DNMBP: variants seen among roughly 807,000 people sequenced by gnomAD.
DNMBP encodes the protein dynamin binding protein.
DNMBP carries 87 observed loss-of-function variants against 150.0 expected under a neutral mutation model. That is an observed-to-expected ratio of 0.58 (90% CI 0.49 to 0.69). The LOEUF is 0.69. Among genes scored for constraint, DNMBP ranks in the 30% least tolerant of loss-of-function variants. The pLI is 0.00. For synonymous variants in DNMBP, 711 were observed against 750.4 expected (o/e 0.95, Z 0.86); for missense variants, 1,774 against 1,949.0 (o/e 0.91, Z 1.69).
chr10:100,003,371 A>G (rs2041037118), intron 1 of DNMBP, among the ~76,000 whole-genome samples: 1 of 152,066 alleles, frequency 6.6e-6, no homozygotes, highest in Non-Finnish European at 1.5e-5. Context: ...CAAACAAACA[A>G]AAAGAACTGA....
chr10:99,940,271 C>A lies in DNMBP; in HGVS notation c.2260+14943G>T, dbSNP rs543119025. On this transcript the variant is annotated intron_variant, in intron 4 of 16. Transcript: ENST00000324109. ...AGGTTAAGTGCACAGGCTTTGATAG[C>A]CCTGGACTTAAATCCTGACTTTGCC... Among the ~76,000 whole-genome samples, 8 of 152,278 alleles carry A rather than the reference C, an allele frequency of 5.3e-5. No individual in the cohort carries two copies. In the South Asian group the frequency reaches 1.7e-3, roughly 32 times the overall value.
rs748863813 is a variant in DNMBP at position 99,955,521 on chromosome 10, T to A, written c.1953A>T (p.Ala651=). 6.3e-7 allele frequency: 1 copy of A among 1,598,336 alleles called. No homozygotes were observed. Among genetic ancestry groups the A allele is most frequent in the Admixed American group, 1.7e-5 (1 of 57,392 alleles). ...PSRPAPLPPS[A]QQRTNAVSPK... ...GGGATACCGCATTCGTTCTCTGCTG[T>A]GCTGAGGGAGGCAGGGGAGCTGGGC... The change falls in exon 4 of 17, where the codon GCA becomes GCT. Residue 651 remains alanine (A), a synonymous_variant. Transcript: ENST00000324109.
At chr10:99,976,503 C>A (rs528990762) in intron 1 of DNMBP, among the ~76,000 whole-genome samples, 1 of 152,176 alleles carries the variant, frequency 6.6e-6, no homozygotes, top group Non-Finnish European at 1.5e-5. Flanking sequence ...AACTTTTCCA[C>A]GCCCTTGCTA....
At chr10:99,975,528 T>C (rs1683707629) in intron 1 of DNMBP, among the ~76,000 whole-genome samples, 1 of 152,224 alleles carries the variant, frequency 6.6e-6, no homozygotes, top group African/African-American at 2.4e-5. Context: ...AGGTTATCTT[T>C]GTGTTACTTA....
chr10:99,891,630 G>A (rs766583413), intron 11 of DNMBP, among the ~76,000 whole-genome samples: 13,394 of 148,946 alleles, frequency 0.09, 1,097 homozygotes, highest in African/African-American at 0.22. Flanking sequence ...CTGCCTGGCC[G>A]CCCATCGTCT....
At chr10:100,007,115 C>CA (rs879451709) in intron 1 of DNMBP, among the ~76,000 whole-genome samples, 80 of 138,176 alleles carry the variant, frequency 5.8e-4, no homozygotes, top group Middle Eastern at 3.6e-3. Context: ...ACTCTGTCTC[C>CA]AAAAAAAAAA....
rs1026185571 is a variant in DNMBP, at chr10:99,875,762, G to A, written c.*1389C>T. 3 of 151,972 alleles carry A rather than the reference G, an allele frequency of 2.0e-5. No individual in the cohort carries two copies. The highest frequency in any genetic ancestry group is 7.2e-5 in the African/African-American group (3 of 41,388). The allele number at this position is 151,972 out of a possible 1,614,324, so 9.4% of individuals were successfully genotyped here. The stretch of plus-strand genomic sequence containing the variant: ...TTTAAGGCTAAATGTGCACTTGGAG[G>A]AACAGGGGCTGTAAGGCTATTTCTT... On this transcript the variant is annotated 3_prime_UTR_variant, in exon 17 of 17. Coordinates refer to ENST00000324109, the MANE Select transcript of DNMBP (RefSeq NM_015221.4).
intron 3 of DNMBP, among the ~76,000 whole-genome samples, chr10:99,964,538 T>G (rs1258072368): frequency 6.6e-6 from 1 of 151,828 alleles, no homozygotes; most frequent in Non-Finnish European, 1.5e-5. Flanking sequence ...CCACCTGTTT[T>G]GATTCTTCTT....
rs1245130027 is a variant in DNMBP at position 99,979,758 on chromosome 10, C to G, written c.-10-7624G>C. On this transcript the variant is annotated intron_variant, in intron 1 of 16. Transcript: ENST00000324109. ...ATCTGGCATTTCTAAACTTGTCTGGCCACAGCACGCCGTTTTCAGGCCCCA... is the reference window on the plus strand; with the variant it reads ...ATCTGGCATTTCTAAACTTGTCTGGGCACAGCACGCCGTTTTCAGGCCCCA... 2.6e-5 allele frequency among the ~76,000 whole-genome samples: 4 copies of G among 152,226 alleles called. No homozygotes were observed. In the East Asian group the frequency reaches 7.7e-4, roughly 29 times the overall value.
chr10:100,005,227 A>G (rs2041054938), intron 1 of DNMBP, among the ~76,000 whole-genome samples: 1 of 152,190 alleles, frequency 6.6e-6, no homozygotes, highest in African/African-American at 2.4e-5. Flanking sequence ...AGTCTCTGCA[A>G]GCCTATAATC....
chr10:99,997,687 C>T (rs917941781), intron 1 of DNMBP, among the ~76,000 whole-genome samples: 1 of 152,022 alleles, frequency 6.6e-6, no homozygotes, highest in African/African-American at 2.4e-5. Context: ...TGGCTCATGC[C>T]TATAATCCCA....
chr10:99,988,998 C>T (rs976990738), intron 1 of DNMBP, among the ~76,000 whole-genome samples: 1 of 152,136 alleles, frequency 6.6e-6, no homozygotes, highest in Non-Finnish European at 1.5e-5. Flanking sequence ...GTCCATTCAC[C>T]TCTATATTCA....
intron 4 of DNMBP, chr10:99,929,915 T>G: frequency 4.3e-6 from 3 of 702,948 alleles, no homozygotes; most frequent in Non-Finnish European, 7.8e-6. Flanking sequence ...AATCTGTCCC[T>G]CTGGAATTAC....
At chr10:99,884,523 C>G (rs1005842452) in intron 14 of DNMBP, among the ~76,000 whole-genome samples, 8 of 152,068 alleles carry the variant, frequency 5.3e-5, no homozygotes, top group Admixed American at 4.6e-4. Context: ...ATTAGTAGGT[C>G]TTCTTGTATT....
chr10:99,890,843 CACCACGTTG>C, intron 11 of DNMBP, among the ~76,000 whole-genome samples: 1 of 152,142 alleles, frequency 6.6e-6, no homozygotes, highest in East Asian at 1.9e-4. Flanking sequence ...GACAGGGTTT[CACCACGTTG>C]GCCAGGTTGG....
chr10:100,009,930 G>A lies in DNMBP; in HGVS notation c.-103C>T, dbSNP rs1244414273. 1 of 148,272 alleles carries A rather than the reference G, an allele frequency of 6.7e-6. No individual in the cohort carries two copies. The highest frequency in any genetic ancestry group is 1.5e-5 in the Non-Finnish European group (1 of 66,466). 9.2% of individuals were successfully genotyped at this position (148,272 alleles called of 1,614,324 possible). A position where few individuals can be genotyped will look rare whatever the true frequency, so the allele number is the denominator to read the frequency against. On this transcript the variant is annotated 5_prime_UTR_variant, in exon 1 of 17. Coordinates refer to ENST00000324109, the MANE Select transcript of DNMBP (RefSeq NM_015221.4). ...GTCACCTCCGCCCCTGGAAGCGGCG[G>A]GCGGGTCGATCCCGTGTGAGTCAGC...
intron 4 of DNMBP, among the ~76,000 whole-genome samples, chr10:99,932,357 C>A (rs1031785215): frequency 6.6e-6 from 1 of 152,140 alleles, no homozygotes; most frequent in Non-Finnish European, 1.5e-5. Flanking sequence ...ATTCCCCCAG[C>A]ATGTTTCTAG....
chr10:99,919,585 G>C (rs1377134214), intron 4 of DNMBP, among the ~76,000 whole-genome samples: 2 of 152,224 alleles, frequency 1.3e-5, no homozygotes, highest in African/African-American at 4.8e-5. Context: ...CTGAGGTAAG[G>C]AGTTTGAGAC....
At chr10:99,909,741 C>G (rs970951315) in intron 4 of DNMBP, among the ~76,000 whole-genome samples, 1 of 152,102 alleles carries the variant, frequency 6.6e-6, no homozygotes, top group African/African-American at 2.4e-5. Flanking sequence ...CTATGAAAAC[C>G]TTAACCAAAA....
Sources: allele counts gnomAD v4.1 joint callset (sites outside exome capture counted in the v4.1 genomes callset), GRCh38; gene constraint gnomAD v4.1.1; transcripts MANE v1.5; gene names NCBI Gene and HGNC (gene_info 2026-07-23, HGNC 2026-07-21).